The following PEPD variants were observed in gnomAD, a reference collection of about 807,000 sequenced individuals.
PEPD encodes peptidase D.
In PEPD, 53 loss-of-function variants were observed where a neutral mutation model predicts 60.7. The ratio of observed to expected loss-of-function variants is 0.87; its 90% CI spans 0.70 to 1.10. The LOEUF (loss-of-function observed/expected upper bound fraction) is 1.10. Among genes scored for constraint, PEPD ranks in the 50% least tolerant of loss-of-function variants. The pLI, the probability that PEPD is intolerant of heterozygous loss-of-function variation, is 0.00. For missense variants in PEPD, 711 were observed against 711.9 expected (o/e 1.00, Z 0.01); for synonymous variants, 267 against 284.1 (o/e 0.94, Z 0.60).
At chr19:33,497,070 C>T (rs184001150) in intron 4 of PEPD, among the ~76,000 whole-genome samples, 7 of 152,382 alleles carry the variant, frequency 4.6e-5, no homozygotes, top group African/African-American at 1.7e-4. Context: ...GTGGCCTGCA[C>T]TGCTTTTACA....
chr19:33,411,043 C>T (rs1238508059), intron 11 of PEPD, among the ~76,000 whole-genome samples: 1 of 152,100 alleles, frequency 6.6e-6, no homozygotes, highest in Non-Finnish European at 1.5e-5. Flanking sequence ...GACTGCAAGT[C>T]CTCCAATGAG....
At chr19:33,404,749 C>T (rs1968579762) in intron 11 of PEPD, among the ~76,000 whole-genome samples, 1 of 152,200 alleles carries the variant, frequency 6.6e-6, no homozygotes, top group Non-Finnish European at 1.5e-5. Flanking sequence ...CCATCCTGCC[C>T]AGCGAGGCTC....
chr19:33,460,585 C>T (rs1238189956), intron 9 of PEPD, among the ~76,000 whole-genome samples: 4 of 152,158 alleles, frequency 2.6e-5, no homozygotes, highest in Non-Finnish European at 5.9e-5. Context: ...TCTCAGTCCC[C>T]GTACCCACCC....
intron 13 of PEPD, among the ~76,000 whole-genome samples, chr19:33,390,241 G>T (rs1319313245): frequency 6.6e-6 from 1 of 151,790 alleles, no homozygotes; most frequent in African/African-American, 2.4e-5. Flanking sequence ...TTTTGCTGGT[G>T]GAAAAAAAGC....
At chr19:33,426,560 G>A (rs1969153986) in intron 9 of PEPD, among the ~76,000 whole-genome samples, 1 of 152,202 alleles carries the variant, frequency 6.6e-6, no homozygotes, top group Non-Finnish European at 1.5e-5. Flanking sequence ...GAGGGCTCTG[G>A]AGAAGAGAGG....
At chr19:33,509,518 G>A (rs1970881053) in intron 3 of PEPD, among the ~76,000 whole-genome samples, 2 of 152,182 alleles carry the variant, frequency 1.3e-5, no homozygotes, top group Admixed American at 1.3e-4. Flanking sequence ...AACGGAGTCT[G>A]CACTGAAGGG....
intron 11 of PEPD, among the ~76,000 whole-genome samples, chr19:33,402,589 A>C (rs923818332): frequency 1.8e-4 from 27 of 152,168 alleles, no homozygotes; most frequent in Non-Finnish European, 5.9e-5. Context: ...AGGGGAGGGC[A>C]GGGAGGAAGT....
In PEPD at chr19:33,440,546, G is replaced by A. The variant is rs574495140; in HGVS notation, c.671+22449C>T. On this transcript the variant is annotated intron_variant, in intron 9 of 14. Transcript: ENST00000244137. ...CCACCTTCAGTCCTCTCCTCTGCCC[G>A]AGTCTCCTGGCTGTTTCTGTTCCCT... 7.2e-5 allele frequency among the ~76,000 whole-genome samples: 11 copies of A among 152,018 alleles called. No homozygotes were observed. In the South Asian group the frequency reaches 1.3e-3, roughly 17 times the overall value.
At chr19:33,459,333 C>T (rs188691026) in intron 9 of PEPD, among the ~76,000 whole-genome samples, 107 of 152,292 alleles carry the variant, frequency 7.0e-4, no homozygotes, top group African/African-American at 2.3e-3. Flanking sequence ...ATACACATCG[C>T]GTTATTAATC....
chr19:33,414,587 C>T (rs1968848576), intron 9 of PEPD, among the ~76,000 whole-genome samples: 1 of 138,996 alleles, frequency 7.2e-6, no homozygotes, highest in African/African-American at 2.6e-5. Flanking sequence ...AGGTGGCCCC[C>T]ACCCGCCCAC....
At chr19:33,477,512 C>G (rs7255303) in intron 7 of PEPD, among the ~76,000 whole-genome samples, 63,808 of 152,064 alleles carry the variant, frequency 0.42, 14,207 homozygotes, top group African/African-American at 0.57. Flanking sequence ...CACTGGGATG[C>G]GAGGGCCACC....
intron 7 of PEPD, among the ~76,000 whole-genome samples, chr19:33,475,422 G>A (rs939499867): frequency 6.6e-6 from 1 of 151,904 alleles, no homozygotes; most frequent in Non-Finnish European, 1.5e-5. Context: ...TGGACCCACC[G>A]AGAGTGACTG....
In PEPD at chr19:33,501,020, G is replaced by A; in HGVS notation, c.330-19C>T. 2 of 1,506,838 alleles carry A rather than the reference G, an allele frequency of 1.3e-6. No individual in the cohort carries two copies. Among genetic ancestry groups the A allele is most frequent in the Non-Finnish European group, 1.8e-6 (2 of 1,082,380 alleles). 93.3% of individuals were successfully genotyped at this position (1,506,838 alleles called of 1,614,324 possible). A position where few individuals can be genotyped will look rare whatever the true frequency, so the allele number is the denominator to read the frequency against. On this transcript the variant is annotated intron_variant, in intron 3 of 14. Transcript: ENST00000244137. ...ATGGATCCTCAAAGAAAAGCACAAG[G>A]AATATCAGGGTCAGGGCTTGGTAAT...
At chr19:33,399,741 G>A (rs369596534) in intron 12 of PEPD, among the ~76,000 whole-genome samples, 107 of 152,304 alleles carry the variant, frequency 7.0e-4, no homozygotes, top group African/African-American at 2.5e-3. Context: ...AAGTTCTGAG[G>A]CCGCATTCTG....
At chr19:33,465,011 G>A (rs541003078) in intron 7 of PEPD, among the ~76,000 whole-genome samples, 9 of 152,142 alleles carry the variant, frequency 5.9e-5, no homozygotes, top group Non-Finnish European at 1.0e-4. Context: ...CCAGCGGTGT[G>A]GCCAAGATCC....
chr19:33,403,295 T>C lies in PEPD; in HGVS notation c.819-1426A>G, dbSNP rs1394819078. On this transcript the variant is annotated intron_variant, in intron 11 of 14. Transcript: ENST00000244137. ...GGTGATGACCCTGGCTGGCGGAGGC[T>C]GGTCTAGCCCTAGGACCAGAGCCCA... 7.9e-5 allele frequency among the ~76,000 whole-genome samples: 12 copies of C among 152,178 alleles called. 1 individual carries two copies. Among genetic ancestry groups the C allele is most frequent in the Admixed American group, 7.8e-4 (12 of 15,290 alleles).
intron 9 of PEPD, among the ~76,000 whole-genome samples, chr19:33,456,257 T>C (rs1418834358): frequency 6.6e-6 from 1 of 152,010 alleles, no homozygotes; most frequent in Non-Finnish European, 1.5e-5. Flanking sequence ...CCAAGTGGTG[T>C]AGACACAGCA....
At chr19:33,411,830 T>C (rs550368215) in intron 10 of PEPD, 81 bp from the exon 11 acceptor site, 1 of 849,064 alleles carries the variant, frequency 1.2e-6, no homozygotes, top group East Asian at 2.6e-5. Flanking sequence ...CTCGATCCCC[T>C]GCCCATGAGC....
intron 2 of PEPD, 91 bp from the exon 3 acceptor site, chr19:33,511,246 C>T: frequency 7.3e-7 from 1 of 1,370,488 alleles, no homozygotes; most frequent in Non-Finnish European, 1.0e-6. Context: ...AGAGAGCCAG[C>T]TCAGACCGAC....
Sources: allele counts gnomAD v4.1 joint callset (sites outside exome capture counted in the v4.1 genomes callset), GRCh38; gene constraint gnomAD v4.1.1; transcripts MANE v1.5; gene names NCBI Gene and HGNC (gene_info 2026-07-23, HGNC 2026-07-21).